Variants in RPS6KA2 observed in about 807,000 individuals in gnomAD.
RPS6KA2 encodes ribosomal protein S6 kinase alpha-2.
RPS6KA2 carries 42 observed loss-of-function variants against 91.8 expected under a neutral mutation model. The ratio of observed to expected loss-of-function variants is 0.46; its 90% CI spans 0.36 to 0.59. The LOEUF is 0.59. Among genes scored for constraint, RPS6KA2 ranks in the 20% least tolerant of loss-of-function variants. The pLI, the probability that RPS6KA2 is intolerant of heterozygous loss-of-function variation, is 0.00. For synonymous variants in RPS6KA2, 414 were observed against 393.6 expected (o/e 1.05, Z -0.61); for missense variants, 798 against 978.5 (o/e 0.82, Z 2.46).
At chr6:166,473,763 G>A (rs549064638) in intron 10 of RPS6KA2, among the ~76,000 whole-genome samples, 15 of 152,268 alleles carry the variant, frequency 9.9e-5, no homozygotes, top group Middle Eastern at 3.4e-3. Context: ...GGAACATTCA[G>A]TAGAATCTTA....
rs74970928 is a variant in RPS6KA2, at chr6:166,516,996, C to T, written c.299-6639G>A. ...TGGAATGAAGAACATTGTTTAGCCA[C>T]ATGTCTGACTTTATAGCATTGGTAA... On this transcript the variant is annotated intron_variant, in intron 3 of 20. Coordinates refer to ENST00000265678, the MANE Select transcript of RPS6KA2 (RefSeq NM_021135.6). 5.4e-3 allele frequency among the ~76,000 whole-genome samples: 827 copies of T among 152,230 alleles called. 4 individuals carry two copies. The highest frequency in any genetic ancestry group is 0.019 in the African/African-American group (778 of 41,522).
chr6:166,815,957 A>G (rs1779750045), intron 2 of RPS6KA2, among the ~76,000 whole-genome samples: 1 of 152,226 alleles, frequency 6.6e-6, no homozygotes, highest in Admixed American at 6.5e-5. Flanking sequence ...TTATTTCTAC[A>G]GAGCATCAAA....
chr6:166,490,006 A>T lies in RPS6KA2; in HGVS notation c.818+665T>A, dbSNP rs1187514095. 1.3e-5 allele frequency among the ~76,000 whole-genome samples: 2 copies of T among 152,254 alleles called. No homozygotes were observed. The highest frequency in any genetic ancestry group is 3.9e-4 in the East Asian group (2 of 5,168). ...CTGCCCTCCTGCTGTCTGCTCTGGG[A>T]CAGTGATAGTCAGTGGTGTCTGCTC... On this transcript the variant is annotated intron_variant, in intron 9 of 20. Transcript: ENST00000265678. This position sits in a 1 kb window ranked among gnomAD's most constrained non-coding sequence, Gnocchi z 4.2.
rs116894389 is a variant in RPS6KA2, at chr6:166,635,555, G to A, written c.124-96771C>T. ...TCAGGCTAAAGGCCAGTGAGAGCAT[G>A]GTCCTGAGGAGGTTCATTTGGCTGC... On this transcript the variant is annotated intron_variant, in intron 2 of 21. Transcript: ENST00000503859. The surrounding 1 kb of genome is among the most constrained non-coding windows in gnomAD (Gnocchi z 4.8). Among the ~76,000 whole-genome samples, 1,775 of 152,326 alleles carry A rather than the reference G, an allele frequency of 0.012. 27 individuals carry two copies. Among genetic ancestry groups the A allele is most frequent in the South Asian group, 0.062 (299 of 4,828 alleles).
Position 166,480,475 on chromosome 6 carries a change from GATTTTATATATATATATATATATATAT to G in RPS6KA2, c.907+8331_907+8357del, listed in dbSNP as rs1433353922. Among the ~76,000 whole-genome samples the G allele has an allele frequency of 2.0e-4, 12 of 61,000 alleles. 1 individual carries two copies. The Admixed American group carries it at 2.6e-3, about 13-fold the overall frequency. 40.0% of individuals were successfully genotyped at this position (61,000 alleles called of 152,430 possible). A position where few individuals can be genotyped will look rare whatever the true frequency, so the allele number is the denominator to read the frequency against. On this transcript the variant is annotated intron_variant, in intron 10 of 20. Transcript: ENST00000265678. ...AGAATCTTATATTCCTTAAGATTGT[GATTTTATATATATATATATATATATAT>G]ATATATATATATAATATATTTTTTT...
chr6:166,597,010 A>C (rs1214091438), intron 1 of RPS6KA2, among the ~76,000 whole-genome samples: 1 of 152,204 alleles, frequency 6.6e-6, no homozygotes, highest in Non-Finnish European at 1.5e-5. Flanking sequence ...GGTGATGGGC[A>C]CATGTGATGT....
intron 2 of RPS6KA2, among the ~76,000 whole-genome samples, chr6:166,805,204 C>A (rs1024861767): frequency 6.6e-6 from 1 of 152,238 alleles, no homozygotes; most frequent in Admixed American, 6.5e-5. Flanking sequence ...CCACCCCCAG[C>A]CCTCTATCAG....
At chr6:166,773,693 C>T (rs1183859533) in intron 2 of RPS6KA2, among the ~76,000 whole-genome samples, 1 of 152,246 alleles carries the variant, frequency 6.6e-6, no homozygotes, top group Non-Finnish European at 1.5e-5. Context: ...AGCCACTGCA[C>T]CTGGCTGCAA....
chr6:166,653,822 G>A (rs1787932420), intron 2 of RPS6KA2, among the ~76,000 whole-genome samples: 1 of 152,242 alleles, frequency 6.6e-6, no homozygotes, highest in Admixed American at 6.5e-5. Flanking sequence ...ATAACTTCTA[G>A]AGGAATAATT....
intron 2 of RPS6KA2, among the ~76,000 whole-genome samples, chr6:166,721,159 A>T (rs1790161639): frequency 6.6e-6 from 1 of 152,232 alleles, no homozygotes; most frequent in African/African-American, 2.4e-5. Flanking sequence ...TGGTGTGTCT[A>T]ATGAAATGGT....
At chr6:166,690,075 C>T (rs1789157905) in intron 2 of RPS6KA2, among the ~76,000 whole-genome samples, 1 of 152,132 alleles carries the variant, frequency 6.6e-6, no homozygotes, top group African/African-American at 2.4e-5. Context: ...GCTCTGGGAG[C>T]CCTGGAGGTG....
At chr6:166,569,818 T>C (rs539563754) in intron 1 of RPS6KA2, among the ~76,000 whole-genome samples, 1 of 152,314 alleles carries the variant, frequency 6.6e-6, no homozygotes, top group African/African-American at 2.4e-5. Flanking sequence ...CTGTACTGAC[T>C]TGGTGCCGAT....
intron 2 of RPS6KA2, among the ~76,000 whole-genome samples, chr6:166,536,607 T>G (rs111340681): frequency 1.3e-5 from 2 of 152,296 alleles, no homozygotes; most frequent in Admixed American, 6.5e-5. Context: ...CCAGCTCGCA[T>G]TAATCCACGA....
At chr6:166,751,359 G>C (rs114378881) in intron 2 of RPS6KA2, among the ~76,000 whole-genome samples, 1 of 152,230 alleles carries the variant, frequency 6.6e-6, no homozygotes, top group Admixed American at 6.5e-5. Flanking sequence ...CCCGTCAAAC[G>C]CACAGTCACA....
chr6:166,490,948 G>A lies in RPS6KA2; in HGVS notation c.748-207C>T, dbSNP rs1781568085. On this transcript the variant is annotated intron_variant, in intron 8 of 20. Transcript: ENST00000265678. This position sits in a 1 kb window ranked among gnomAD's most constrained non-coding sequence, Gnocchi z 4.2. ...GCTTGCCATTTGGTGGGTGAGACGG[G>A]TAAATGACAGATGTGGTAGATAATC... Among the ~76,000 whole-genome samples, 1 of 152,236 alleles carries A rather than the reference G, an allele frequency of 6.6e-6. No individual in the cohort carries two copies. The highest frequency in any genetic ancestry group is 2.4e-5 in the African/African-American group (1 of 41,454).
rs1780697065 is a variant in RPS6KA2 at position 166,849,936 on chromosome 6, C to T, written c.123+8264G>A. 6.6e-6 allele frequency among the ~76,000 whole-genome samples: 1 copy of T among 152,074 alleles called. No homozygotes were observed. Among genetic ancestry groups the T allele is most frequent in the Admixed American group, 6.6e-5 (1 of 15,254 alleles). On this transcript the variant is annotated intron_variant, in intron 2 of 21. Coordinates refer to the RPS6KA2 transcript ENST00000503859. The surrounding 1 kb of genome is among the most constrained non-coding windows in gnomAD (Gnocchi z 4.9). ...TCCGCTGTGCCCACGGGGCCTCCAC[C>T]AGAGAAGTGTGAGACTCCGGGTTCA...
chr6:166,701,013 AG>A (rs996121635), intron 2 of RPS6KA2: 7 of 1,081,866 alleles, frequency 6.5e-6, no homozygotes, highest in South Asian at 2.6e-5. Context: ...GATTCTGGAT[AG>A]GGGGTCAGCG....
rs1778286825 is a variant in RPS6KA2, at chr6:166,411,139, C to CAAGT, written c.*1619_*1622dup. The CAAGT allele has an allele frequency of 6.6e-6, 1 of 151,530 alleles. No individual in the cohort carries two copies. The highest frequency in any genetic ancestry group is 6.6e-5 in the Admixed American group (1 of 15,238). The allele number at this position is 151,530 out of a possible 1,614,324, so 9.4% of individuals were successfully genotyped here. ...TCCACATGGATTAAAGCTTGTGAAACAAGTTTATATTTTAAGGTCTGAAAA... is the reference window on the plus strand; with the variant it reads ...TCCACATGGATTAAAGCTTGTGAAACAAGTAAGTTTATATTTTAAGGTCTGAAAA... On this transcript the variant is annotated 3_prime_UTR_variant, in exon 21 of 21. Coordinates refer to ENST00000265678, the MANE Select transcript of RPS6KA2 (RefSeq NM_021135.6). The surrounding 1 kb of genome is among the most constrained non-coding windows in gnomAD (Gnocchi z 4.5).
intron 5 of RPS6KA2, among the ~76,000 whole-genome samples, chr6:166,506,227 G>A (rs528063954): frequency 3.9e-5 from 6 of 152,338 alleles, no homozygotes; most frequent in Admixed American, 2.0e-4. Context: ...GCAACTCCAC[G>A]AATCTGTGGT....
Sources: gnomAD v4.1 joint callset for allele counts (sites outside exome capture counted in the v4.1 genomes callset) on GRCh38, gnomAD v4.1.1 for gene constraint, Gnocchi (gnomAD v3.1) non-coding constraint, MANE v1.5 for transcripts, NCBI Gene and HGNC (gene_info 2026-07-23, HGNC 2026-07-21) for gene names.